The following KIAA0825 variants were observed in gnomAD, a reference collection of about 807,000 sequenced individuals.
KIAA0825 encodes the protein KIAA0825.
KIAA0825 carries 119 observed loss-of-function variants against 147.6 expected under a neutral mutation model. That is an observed-to-expected ratio of 0.81 (90% CI 0.69 to 0.94). The LOEUF is 0.94. Ranked by LOEUF, KIAA0825 falls within the 40% of genes least tolerant of loss-of-function variation. The pLI, the probability that KIAA0825 is intolerant of heterozygous loss-of-function variation, is 0.00. For synonymous variants in KIAA0825, 470 were observed against 518.1 expected (o/e 0.91, Z 1.26); for missense variants, 1,381 against 1,472.7 (o/e 0.94, Z 1.02).
chr5:94,357,929 C>A, intron 20 of KIAA0825, among the ~76,000 whole-genome samples: 1 of 150,042 alleles, frequency 6.7e-6, no homozygotes, highest in African/African-American at 2.5e-5. Flanking sequence ...AAAAAAAAAG[C>A]TTTCCTCAAT....
rs570630127 is a variant in KIAA0825 at position 94,329,750 on chromosome 5, C to G, written c.3710+54618G>C. ...AGTTCCTTAATTTTTTCCCTCCCCC[C>G]CTTTTTTTATTTTGCCCTACAGTAT... On this transcript the variant is annotated intron_variant, in intron 20 of 20. Transcript: ENST00000682413. Among the ~76,000 whole-genome samples, 5 of 152,204 alleles carry G rather than the reference C, an allele frequency of 3.3e-5. No homozygotes were observed. The South Asian group carries it at 6.2e-4, about 19-fold the overall frequency.
At chr5:94,546,517 C>CAGAGAGAG (rs34483380) in intron 2 of KIAA0825, among the ~76,000 whole-genome samples, 5 of 149,166 alleles carry the variant, frequency 3.4e-5, no homozygotes, top group South Asian at 4.3e-4. Flanking sequence ...TGGCTCAGCA[C>CAGAGAGAG]AGAGAGAGAG....
intron 20 of KIAA0825, among the ~76,000 whole-genome samples, chr5:94,302,914 G>A (rs17083540): frequency 0.01 from 1,548 of 152,074 alleles, 29 homozygotes; most frequent in African/African-American, 0.035. Context: ...TCAGATGATA[G>A]AGCAGTAACA....
chr5:94,177,331 A>T lies in KIAA0825; in HGVS notation c.3711-23207T>A, dbSNP rs553629712. On this transcript the variant is annotated intron_variant, in intron 20 of 20. Coordinates refer to ENST00000682413, the MANE Select transcript of KIAA0825 (RefSeq NM_001145678.3). ...ATTCCAGATAAGTGACTCAGATTGC[A>T]TACTGTCAAATAGTTCATTTTAACC... is the stretch of plus-strand genomic sequence containing the variant. Among the ~76,000 whole-genome samples, 217 of 152,272 alleles carry T rather than the reference A, an allele frequency of 1.4e-3. 1 individual carries two copies. The highest frequency in any genetic ancestry group is 7.7e-3 in the South Asian group (37 of 4,828).
intron 20 of KIAA0825, among the ~76,000 whole-genome samples, chr5:94,352,418 A>C (rs1333412446): frequency 2.0e-5 from 3 of 152,242 alleles, no homozygotes; most frequent in African/African-American, 7.2e-5. Context: ...ATCAAAAAAC[A>C]GTAGATGCTG....
At chr5:94,544,208 G>A (rs1022042942) in intron 2 of KIAA0825, among the ~76,000 whole-genome samples, 1 of 152,150 alleles carries the variant, frequency 6.6e-6, no homozygotes, top group African/African-American at 2.4e-5. Flanking sequence ...CCTTGGTAGA[G>A]GCCCAGAAGT....
chr5:94,218,278 T>C (rs545602031), intron 20 of KIAA0825, among the ~76,000 whole-genome samples: 1 of 152,300 alleles, frequency 6.6e-6, no homozygotes, highest in South Asian at 2.1e-4. Context: ...TTTCTCATGC[T>C]TTTCTTCCCT....
In KIAA0825 at chr5:94,283,226, C is replaced by A. The variant is rs918962886; in HGVS notation, c.3710+101142G>T. ...TCTTGATTTATTGAACTTCTTTGTG[C>A]CAGTGATTCCAAAGAGCTCTGAAAA... On this transcript the variant is annotated intron_variant, in intron 20 of 20. Transcript: ENST00000682413. Among the ~76,000 whole-genome samples, 6 of 152,028 alleles carry A rather than the reference C, an allele frequency of 3.9e-5. No homozygotes were observed. In the South Asian group the frequency reaches 1.2e-3, roughly 32 times the overall value.
At chr5:94,547,513 G>A (rs1774650773) in intron 2 of KIAA0825, among the ~76,000 whole-genome samples, 1 of 152,080 alleles carries the variant, frequency 6.6e-6, no homozygotes. Flanking sequence ...CAAGGCGGGT[G>A]GATTGCCAGG....
chr5:94,382,429 A>T (rs1748544484), intron 20 of KIAA0825, among the ~76,000 whole-genome samples: 6 of 152,222 alleles, frequency 3.9e-5, no homozygotes, highest in Admixed American at 3.9e-4. Flanking sequence ...CAAAACTCAT[A>T]AATAACCTTC....
intron 18 of KIAA0825, among the ~76,000 whole-genome samples, chr5:94,389,164 G>A (rs966757394): frequency 5.3e-5 from 8 of 152,188 alleles, no homozygotes; most frequent in Non-Finnish European, 8.8e-5. Context: ...CTATCCCACA[G>A]TACTGGAGCC....
At chr5:94,432,178 C>T (rs991891434) in intron 14 of KIAA0825, among the ~76,000 whole-genome samples, 1 of 152,150 alleles carries the variant, frequency 6.6e-6, no homozygotes, top group African/African-American at 2.4e-5. Flanking sequence ...CAGCAGATAC[C>T]TTGTTTGATA....
At chr5:94,591,037 A>C (rs1231916585) in intron 1 of KIAA0825, among the ~76,000 whole-genome samples, 1 of 152,210 alleles carries the variant, frequency 6.6e-6, no homozygotes, top group Non-Finnish European at 1.5e-5. Flanking sequence ...CTCAAGCAGC[A>C]TACATTTTCC....
intron 20 of KIAA0825, among the ~76,000 whole-genome samples, chr5:94,312,137 G>T (rs1779240884): frequency 6.6e-6 from 1 of 151,650 alleles, no homozygotes; most frequent in Non-Finnish European, 1.5e-5. Context: ...AACAATCAGT[G>T]TGGACTTCTC....
intron 20 of KIAA0825, among the ~76,000 whole-genome samples, chr5:94,286,453 G>A (rs1465663684): frequency 6.6e-6 from 1 of 152,152 alleles, no homozygotes; most frequent in Non-Finnish European, 1.5e-5. Flanking sequence ...TAGGTTCTCT[G>A]ACAACAGGGA....
intron 20 of KIAA0825, among the ~76,000 whole-genome samples, chr5:94,170,192 T>G (rs2149946749): frequency 6.6e-6 from 1 of 152,094 alleles, no homozygotes; most frequent in African/African-American, 2.4e-5. Flanking sequence ...CCAGCTACTC[T>G]GCAGGCTGAG....
chr5:94,362,214 T>A (rs957821606), intron 20 of KIAA0825, among the ~76,000 whole-genome samples: 1 of 152,192 alleles, frequency 6.6e-6, no homozygotes, highest in African/African-American at 2.4e-5. Flanking sequence ...CAGGGTCGGA[T>A]GAGGCCAAGG....
At chr5:94,304,323 T>C (rs1236706127) in intron 20 of KIAA0825, among the ~76,000 whole-genome samples, 2 of 152,074 alleles carry the variant, frequency 1.3e-5, no homozygotes, top group Non-Finnish European at 2.9e-5. Flanking sequence ...TAAGTGAAGG[T>C]GTCCTGACAA....
intron 1 of KIAA0825, among the ~76,000 whole-genome samples, chr5:94,616,235 T>C (rs896405480): frequency 1.3e-5 from 2 of 152,216 alleles, no homozygotes; most frequent in Non-Finnish European, 2.9e-5. Context: ...GCTATACCTA[T>C]ACAGTTGTAA....
Sources: allele counts gnomAD v4.1 joint callset (sites outside exome capture counted in the v4.1 genomes callset), GRCh38; gene constraint gnomAD v4.1.1; transcripts MANE v1.5; gene names NCBI Gene and HGNC (gene_info 2026-07-23, HGNC 2026-07-21).